MYO1E: variants seen among roughly 807,000 people sequenced by gnomAD.
MYO1E encodes myosin IE, also known as unconventional myosin-Ie.
Under a neutral mutation model 151.1 loss-of-function variants are expected in MYO1E, and 68 were observed. The observed-to-expected ratio is 0.45, with a 90% CI of 0.37 to 0.55. MYO1E has a LOEUF of 0.55. Among genes scored for constraint, MYO1E ranks in the 20% least tolerant of loss-of-function variants. MYO1E has a pLI of 0.00. For missense variants in MYO1E, 1,363 were observed against 1,389.3 expected (o/e 0.98, Z 0.30); for synonymous variants, 601 against 501.7 (o/e 1.20, Z -2.64).
intron 14 of MYO1E, chr15:59,207,232 GC>G (rs773508640): frequency 3.1e-6 from 5 of 1,614,240 alleles, no homozygotes. Context: ...TGATGAACTT[GC>G]CCTTGTGGAT....
intron 1 of MYO1E, among the ~76,000 whole-genome samples, chr15:59,339,732 T>C (rs1408181572): frequency 6.6e-6 from 1 of 152,222 alleles, no homozygotes; most frequent in East Asian, 1.9e-4. Flanking sequence ...CTCCAGCCTG[T>C]AATCCCAGCA....
chr15:59,369,427 T>C (rs564819943), intron 1 of MYO1E, among the ~76,000 whole-genome samples: 5 of 152,322 alleles, frequency 3.3e-5, no homozygotes, highest in African/African-American at 1.2e-4. Flanking sequence ...ATAGCGGACC[T>C]ACAGCCATGG....
chr15:59,225,756 C>A (rs1480758907), intron 7 of MYO1E, among the ~76,000 whole-genome samples: 1 of 151,656 alleles, frequency 6.6e-6, no homozygotes, highest in Non-Finnish European at 1.5e-5. Context: ...ACGCCATTCT[C>A]CTGCCTCAGC....
chr15:59,204,567 C>T (rs1051607561), intron 15 of MYO1E, among the ~76,000 whole-genome samples: 5 of 152,112 alleles, frequency 3.3e-5, no homozygotes, highest in Admixed American at 2.6e-4. Flanking sequence ...ATGTGTTATC[C>T]AGGATCTTGA....
At chr15:59,217,297 A>G (rs968648157) in intron 10 of MYO1E, among the ~76,000 whole-genome samples, 3 of 152,178 alleles carry the variant, frequency 2.0e-5, no homozygotes, top group Non-Finnish European at 4.4e-5. Context: ...AGAAAGGCCC[A>G]TGAACGTGGC....
intron 1 of MYO1E, among the ~76,000 whole-genome samples, chr15:59,318,960 T>C (rs1217241449): frequency 6.6e-6 from 1 of 152,078 alleles, no homozygotes; most frequent in Non-Finnish European, 1.5e-5. Context: ...AAGACTTGCA[T>C]GACTGGCTCA....
chr15:59,250,437 A>G (rs1298076599), intron 4 of MYO1E, among the ~76,000 whole-genome samples: 5 of 152,180 alleles, frequency 3.3e-5, no homozygotes, highest in African/African-American at 1.2e-4. Context: ...GGTAGGAGGT[A>G]GCGCTGTCCA....
At chr15:59,150,982 G>GC (rs2079472400) in intron 26 of MYO1E, among the ~76,000 whole-genome samples, 1 of 68,584 alleles carries the variant, frequency 1.5e-5, no homozygotes, top group Admixed American at 1.9e-4. Flanking sequence ...ACCCAAGACT[G>GC]GGGGGTAGTG....
At chr15:59,167,447 A>G (rs1322025668) in intron 22 of MYO1E, among the ~76,000 whole-genome samples, 1 of 152,130 alleles carries the variant, frequency 6.6e-6, no homozygotes, top group Non-Finnish European at 1.5e-5. Flanking sequence ...ACCTGTGGTC[A>G]CCCTTCCTGC....
chr15:59,352,784 C>T (rs2080830582), intron 1 of MYO1E, among the ~76,000 whole-genome samples: 1 of 152,166 alleles, frequency 6.6e-6, no homozygotes, highest in South Asian at 2.1e-4. Flanking sequence ...ACCCAGCCCC[C>T]CTCAAAGGCT....
At chr15:59,146,904 G>A (rs971734169) in intron 26 of MYO1E, among the ~76,000 whole-genome samples, 1 of 151,952 alleles carries the variant, frequency 6.6e-6, no homozygotes, top group Non-Finnish European at 1.5e-5. Context: ...ATAAATGCAC[G>A]AAAAAGCTGA....
chr15:59,341,997 G>T (rs1347044893), intron 1 of MYO1E, among the ~76,000 whole-genome samples: 2 of 152,134 alleles, frequency 1.3e-5, no homozygotes, highest in Non-Finnish European at 1.5e-5. Flanking sequence ...CGGTGTATGA[G>T]AGTTCCCTTT....
chr15:59,275,489 C>T (rs1307750919), intron 1 of MYO1E, among the ~76,000 whole-genome samples: 1 of 152,104 alleles, frequency 6.6e-6, no homozygotes, highest in East Asian at 1.9e-4. Context: ...ACTCATTCAA[C>T]CTTCACAACC....
chr15:59,323,420 G>T (rs76420004), intron 1 of MYO1E, among the ~76,000 whole-genome samples: 4 of 151,896 alleles, frequency 2.6e-5, no homozygotes, highest in Non-Finnish European at 5.9e-5. Context: ...TTGGGAGGCC[G>T]AGGTGGGAGA....
chr15:59,331,021 C>T (rs778395907), intron 1 of MYO1E, among the ~76,000 whole-genome samples: 7 of 152,280 alleles, frequency 4.6e-5, no homozygotes, highest in Non-Finnish European at 8.8e-5. Context: ...CCTCCTGTGT[C>T]GTCCTCCCAC....
intron 14 of MYO1E, chr15:59,207,512 T>C: frequency 8.1e-6 from 13 of 1,614,048 alleles, no homozygotes; most frequent in Non-Finnish European, 1.1e-5. Flanking sequence ...CCAGTGGATA[T>C]CTTAACTTAT....
chr15:59,338,617 T>C (rs1042503597), intron 1 of MYO1E, among the ~76,000 whole-genome samples: 3 of 152,176 alleles, frequency 2.0e-5, no homozygotes, highest in Non-Finnish European at 4.4e-5. Flanking sequence ...CCAACCACCC[T>C]GCTAAGCTGG....
intron 9 of MYO1E, among the ~76,000 whole-genome samples, chr15:59,221,665 C>A (rs1232902770): frequency 6.6e-6 from 1 of 152,174 alleles, no homozygotes; most frequent in African/African-American, 2.4e-5. Flanking sequence ...CGCCTCTAGT[C>A]AGGGAATTTC....
At chr15:59,217,410 C>G (rs12439579) in intron 10 of MYO1E, among the ~76,000 whole-genome samples, 1 of 146,206 alleles carries the variant, frequency 6.8e-6, no homozygotes, top group African/African-American at 2.5e-5. Context: ...GTGGGCAGTT[C>G]TAGAAGGAAA....
Sources: allele counts gnomAD v4.1 joint callset (sites outside exome capture counted in the v4.1 genomes callset), GRCh38; gene constraint gnomAD v4.1.1; transcripts MANE v1.5; gene names NCBI Gene and HGNC (gene_info 2026-07-23, HGNC 2026-07-21).